The following RBFOX1 variants were observed in gnomAD, a reference collection of about 807,000 sequenced individuals.
The protein encoded by RBFOX1 is RNA binding protein fox-1 homolog 1.
A neutral mutation model predicts 57.7 loss-of-function variants in RBFOX1; 8 were observed. The observed-to-expected ratio is 0.14, with a 90% CI of 0.08 to 0.25. The LOEUF is 0.25. Ranked by LOEUF, RBFOX1 falls within the 10% of genes least tolerant of loss-of-function variation. RBFOX1 has a pLI of 1.00. For missense variants in RBFOX1, 611 were observed against 548.5 expected, an observed-to-expected ratio of 1.11 and a Z score of -1.14; for synonymous variants, 326 against 222.4, an observed-to-expected ratio of 1.47 and a Z score of -4.15.
intron 4 of RBFOX1, among the ~76,000 whole-genome samples, chr16:7,434,322 A>G (rs2098705352): frequency 6.6e-6 from 1 of 152,100 alleles, no homozygotes; most frequent in African/African-American, 2.4e-5. Flanking sequence ...ATACAAAAAA[A>G]TTAGCTGGGC....
At chr16:7,037,228 CTTTTTTTTTTT>C (rs889539532) in intron 3 of RBFOX1, among the ~76,000 whole-genome samples, 9 of 80,526 alleles carry the variant, frequency 1.1e-4, no homozygotes, top group South Asian at 4.6e-4. Flanking sequence ...GTCTTAGCCT[CTTTTTTTTTTT>C]TTTTTTTTTT....
At chr16:6,195,491 G>A (rs2097173981) in intron 1 of RBFOX1, among the ~76,000 whole-genome samples, 1 of 152,174 alleles carries the variant, frequency 6.6e-6, no homozygotes, top group Non-Finnish European at 1.5e-5. Flanking sequence ...GCCAAGGCGG[G>A]CCAATCACCT....
chr16:6,925,223 T>C (rs1327991449), intron 3 of RBFOX1, among the ~76,000 whole-genome samples: 1 of 133,540 alleles, frequency 7.5e-6, no homozygotes, highest in Non-Finnish European at 1.5e-5. Flanking sequence ...AGCCTCTGCC[T>C]CCCGGGCTCA....
At chr16:5,700,735 G>A (rs1596825190) in intron 3 of RBFOX1, among the ~76,000 whole-genome samples, 1 of 152,120 alleles carries the variant, frequency 6.6e-6, no homozygotes, top group Non-Finnish European at 1.5e-5. Flanking sequence ...CAATCCTTCT[G>A]GTTTATTACT....
At chr16:5,817,965 C>T (rs531930959) in intron 3 of RBFOX1, among the ~76,000 whole-genome samples, 22 of 151,914 alleles carry the variant, frequency 1.4e-4, no homozygotes, top group African/African-American at 4.3e-4. Flanking sequence ...GCTGGGATTA[C>T]GGGCGTGAGC....
At chr16:6,042,025 C>T (rs1175644997) in intron 1 of RBFOX1, among the ~76,000 whole-genome samples, 1 of 152,026 alleles carries the variant, frequency 6.6e-6, no homozygotes, top group African/African-American at 2.4e-5. Flanking sequence ...GGCTTGTGGC[C>T]CCTCCTCCAT....
At chr16:5,860,227 C>T (rs536820812) in intron 3 of RBFOX1, among the ~76,000 whole-genome samples, 16 of 152,216 alleles carry the variant, frequency 1.1e-4, no homozygotes, top group South Asian at 4.2e-4. Flanking sequence ...GGATTACAGA[C>T]GCATGCCACC....
chr16:5,298,025 G>C (rs2063710506), intron 1 of RBFOX1, among the ~76,000 whole-genome samples: 1 of 149,008 alleles, frequency 6.7e-6, no homozygotes, highest in African/African-American at 2.6e-5. Flanking sequence ...TTTTCCCATT[G>C]AATTAACTTT....
intron 2 of RBFOX1, among the ~76,000 whole-genome samples, chr16:6,410,803 G>A (rs1476457136): frequency 6.6e-6 from 1 of 152,170 alleles, no homozygotes; most frequent in Non-Finnish European, 1.5e-5. Context: ...TGTTGGAGTG[G>A]AAACAAACCT....
intron 2 of RBFOX1, among the ~76,000 whole-genome samples, chr16:6,599,575 T>A: frequency 6.6e-6 from 1 of 152,180 alleles, no homozygotes; most frequent in Non-Finnish European, 1.5e-5. Flanking sequence ...TACCATTTCT[T>A]ACTTGCAAAA....
At chr16:7,264,889 A>G (rs1296721653) in intron 4 of RBFOX1, among the ~76,000 whole-genome samples, 1 of 152,176 alleles carries the variant, frequency 6.6e-6, no homozygotes, top group East Asian at 1.9e-4. Context: ...TGAGACATTT[A>G]CCCCCAGTCC....
At chr16:6,408,944 G>A (rs146897079) in intron 2 of RBFOX1, among the ~76,000 whole-genome samples, 22 of 151,940 alleles carry the variant, frequency 1.4e-4, no homozygotes, top group East Asian at 5.8e-4. Flanking sequence ...TTTTGGTGTC[G>A]TTTTACCACC....
intron 3 of RBFOX1, among the ~76,000 whole-genome samples, chr16:5,605,631 G>A (rs1335845712): frequency 1.3e-5 from 2 of 151,996 alleles, no homozygotes; most frequent in African/African-American, 2.4e-5. Flanking sequence ...GGAGGGGAGA[G>A]TGGTGCCATT....
At position 5,732,358 on chromosome 16, in the gene RBFOX1, C is replaced by T. The variant is rs566801997; in HGVS notation, c.318+133397C>T. 7.2e-5 allele frequency among the ~76,000 whole-genome samples: 11 copies of T among 152,144 alleles called. No individual in the cohort carries two copies. The East Asian group carries it at 7.7e-4, about 11-fold the overall frequency. ...AATTACAGTAACCAACAATGACTGC[C>T]GGACTGAAGATTCTCAGCCCAGAAG... On this transcript the variant is annotated intron_variant, in intron 3 of 19. Transcript: ENST00000641259.
At chr16:6,442,320 G>A (rs1238269516) in intron 2 of RBFOX1, among the ~76,000 whole-genome samples, 1 of 152,176 alleles carries the variant, frequency 6.6e-6, no homozygotes, top group Non-Finnish European at 1.5e-5. Context: ...CACTTTGGGA[G>A]GCCAAGGTGG....
At chr16:7,003,939 C>G (rs986732059) in intron 3 of RBFOX1, 3 of 144,076 alleles carry the variant, frequency 2.1e-5, no homozygotes, top group African/African-American at 5.5e-5. Flanking sequence ...ATAAATTTAT[C>G]TGCTTTCTTT....
At chr16:6,985,545 G>C (rs2090048471) in intron 3 of RBFOX1, among the ~76,000 whole-genome samples, 1 of 152,126 alleles carries the variant, frequency 6.6e-6, no homozygotes, top group African/African-American at 2.4e-5. Context: ...AGATTAGACA[G>C]GGCTGGGAGC....
intron 1 of RBFOX1, among the ~76,000 whole-genome samples, chr16:6,214,889 G>C: frequency 9.0e-6 from 1 of 110,736 alleles, no homozygotes; most frequent in Non-Finnish European, 1.8e-5. Flanking sequence ...AGAAGGAGAG[G>C]GAGTGGGACC....
intron 1 of RBFOX1, among the ~76,000 whole-genome samples, chr16:6,040,830 T>A (rs1017213882): frequency 6.6e-6 from 1 of 152,084 alleles, no homozygotes; most frequent in Non-Finnish European, 1.5e-5. Context: ...CTGACCTCAA[T>A]TGATCTGCGT....
Sources: gnomAD v4.1 joint callset for allele counts (sites outside exome capture counted in the v4.1 genomes callset) on GRCh38, gnomAD v4.1.1 for gene constraint, MANE v1.5 for transcripts, NCBI Gene and HGNC (gene_info 2026-07-23, HGNC 2026-07-21) for gene names.